RAET1G: variants seen among roughly 807,000 people sequenced by gnomAD.
RAET1G encodes the protein retinoic acid early transcript 1G, also known as UL-16 binding protein 5.
RAET1G carries 25 observed loss-of-function variants against 29.5 expected under a neutral mutation model. The ratio of observed to expected loss-of-function variants is 0.85; its 90% CI spans 0.62 to 1.18. RAET1G has a LOEUF of 1.18. RAET1G is among the 50% of genes most tolerant of loss of function. The pLI is 0.00. For synonymous variants in RAET1G, 167 were observed against 159.5 expected (o/e 1.05, Z -0.36); for missense variants, 434 against 423.6 (o/e 1.02, Z -0.22).
chr6:149,922,984 G>T lies in RAET1G; in HGVS notation c.27C>A (p.Phe9Leu), dbSNP rs1468041126. 1 of 1,605,516 alleles carries T rather than the reference G, an allele frequency of 6.2e-7. No homozygotes were observed. Among genetic ancestry groups the T allele is most frequent in the Admixed American group, 1.7e-5 (1 of 58,740 alleles). Residue 9 changes from phenylalanine to leucine, a missense_variant, in exon 1 of 5, where the codon TTC (phenylalanine) becomes TTA (leucine). Transcript: ENST00000367360. MAAAASPAFLLRLPLLLLL... is the reference protein window; with the variant it reads MAAAASPALLLRLPLLLLL... ...GGAGCAGAAGCGGGAGGCGTAGAAG[G>T]AACGCGGGGCTGGCGGCCGCTGCCA...
chr6:149,919,339 GA>G lies in RAET1G; in HGVS notation c.350-16del. The G allele has an allele frequency of 6.2e-7, 1 of 1,610,534 alleles. No individual in the cohort carries two copies. Among genetic ancestry groups the G allele is most frequent in the Non-Finnish European group, 8.5e-7 (1 of 1,177,904 alleles). On this transcript the variant is annotated splice_polypyrimidine_tract_variant and intron_variant, in intron 2 of 4. Transcript: ENST00000367360. ...GGTGAGGGGTTCTGCCCCCATCAAA[GA>G]GAGATCAGCTCTGGCCTTGACAGAT...
intron 1 of RAET1G, among the ~76,000 whole-genome samples, chr6:149,921,506 G>A (rs1778600728): frequency 6.6e-6 from 1 of 152,228 alleles, no homozygotes; most frequent in Admixed American, 6.5e-5. Context: ...GTCTGGCAGT[G>A]AGAAGACACA....
intron 2 of RAET1G, 42 bp downstream of exon 2, chr6:149,919,511 A>G (rs1475388012): frequency 2.5e-6 from 4 of 1,613,866 alleles, no homozygotes; most frequent in Admixed American, 1.7e-5. Flanking sequence ...CTAACCTACC[A>G]CTGTATCTGC....
Position 149,919,207 on chromosome 6 carries a change from C to CT in RAET1G, c.466dup (p.Arg156LysfsTer20), listed in dbSNP as rs757395874. The stretch of plus-strand genomic sequence containing the variant: ...TCCAGGATGAACCGTTGTCCACATT[C>CT]TGTTTTCTGAGTCAAAGAGGAGGAA... On this transcript the variant is annotated frameshift_variant, in exon 3 of 5. Coordinates refer to ENST00000367360, the MANE Select transcript of RAET1G (RefSeq NM_001001788.4). LOFTEE classifies it high-confidence loss of function. The CT allele has an allele frequency of 5.6e-6, 9 of 1,614,220 alleles. No homozygotes were observed. In the East Asian group the frequency reaches 2.0e-4, roughly 36 times the overall value.
At chr6:149,918,643 T>G (rs1582798382) in intron 3 of RAET1G, 2 of 611,084 alleles carry the variant, frequency 3.3e-6, no homozygotes, top group East Asian at 5.6e-5. Context: ...GAGGTGATGC[T>G]CCAGGGTGCG....
chr6:149,917,051 A>T lies in RAET1G; in HGVS notation c.866T>A (p.Leu289Ter). 6.5e-7 allele frequency: 1 copy of T among 1,549,558 alleles called. No individual in the cohort carries two copies. Among genetic ancestry groups the T allele is most frequent in the Non-Finnish European group, 8.7e-7 (1 of 1,145,946 alleles). The change falls in exon 5 of 5, where the codon TTG becomes TAG. Residue 289 changes from leucine to a stop codon, truncating the protein, a stop_gained. Coordinates refer to ENST00000367360, the MANE Select transcript of RAET1G (RefSeq NM_001001788.4). LOFTEE classifies it high-confidence loss of function. ...CACGCGAGTCACGTGTCCACCAGAC[A>T]AGGGGCGCTTCGCTATTTGGTAGCT... ...SDSYQIAKRP[L>*]SGGHVTRVTL...
rs760903838 is a variant in RAET1G at position 149,916,973 on chromosome 6, A to G, written c.944T>C (p.Leu315Ser). 71 of 1,549,844 alleles carry G rather than the reference A, an allele frequency of 4.6e-5. No individual in the cohort carries two copies. In the East Asian group the frequency reaches 1.7e-3, roughly 37 times the overall value. ...DSHSLPCPLA[L>S]YTINNGAARY... Reference sequence around the variant, plus strand: ...GGCTGCGCCGTTATTTATTGTATACAAGGCAAGAGGGCAGGGTAAGGAGTG... The same window carrying G: ...GGCTGCGCCGTTATTTATTGTATACGAGGCAAGAGGGCAGGGTAAGGAGTG... The change falls in exon 5 of 5, where the codon TTG (leucine) becomes TCG (serine). Residue 315 changes from leucine (L) to serine (S), a missense_variant. Physicochemically the swap from Leu to Ser is moderately radical, Grantham distance 145 (BLOSUM62 -2). Transcript: ENST00000367360.
chr6:149,922,461 G>A (rs115534710), intron 1 of RAET1G, among the ~76,000 whole-genome samples: 1,714 of 152,252 alleles, frequency 0.011, 41 homozygotes, highest in African/African-American at 0.039. Context: ...AGGGCACGCA[G>A]CCCTGGGGGT....
At chr6:149,919,844 G>T in intron 1 of RAET1G, 28 bp from the exon 2 acceptor site, 1 of 1,612,042 alleles carries the variant, frequency 6.2e-7, no homozygotes, top group Non-Finnish European at 8.5e-7. Flanking sequence ...TGAGGGGTGG[G>T]TGGGGAGGAA....
Position 149,919,156 on chromosome 6 carries a change from T to C in RAET1G, c.518A>G (p.Glu173Gly). The change falls in exon 3 of 5, where the codon GAG becomes GGG. Residue 173 changes from glutamate to glycine, a missense_variant. By Grantham distance (98) the Glu-to-Gly change is moderately conservative. Transcript: ENST00000367360. ...PGARKMKEKW[E>G]NDKDMTMSFH... ...GGACATGGTCATATCCTTGTCATTC[T>C]CCCACTTTTCTTTCATCTTTCTGGC... The C allele has an allele frequency of 1.2e-6, 2 of 1,614,230 alleles. No homozygotes were observed. Among genetic ancestry groups the C allele is most frequent in the Middle Eastern group, 1.6e-4 (1 of 6,062 alleles).
chr6:149,922,536 C>CTGTGA (rs1047284749), intron 1 of RAET1G, among the ~76,000 whole-genome samples: 4 of 152,086 alleles, frequency 2.6e-5, no homozygotes, highest in African/African-American at 9.7e-5. Context: ...GTGGGAGTGT[C>CTGTGA]TGTGATTGTG....
chr6:149,917,125 T>C (rs1778461273), intron 4 of RAET1G, 51 bp from the exon 5 acceptor site: 3 of 1,481,918 alleles, frequency 2.0e-6, no homozygotes, highest in Non-Finnish European at 9.0e-7. Flanking sequence ...TTCTATGTAT[T>C]TCTCGGACTT....
rs780387190 is a variant in RAET1G at position 149,919,837 on chromosome 6, G to A, written c.86-21C>T. The A allele has an allele frequency of 4.3e-6, 7 of 1,612,064 alleles. No homozygotes were observed. In the East Asian group the frequency reaches 6.7e-5, roughly 15 times the overall value. Reference sequence around the variant, plus strand: ...AGGGTCTGTGGAGAAAGGCAGGTGAGGGGTGGGTGGGGAGGAAAAGACCCC... The same window carrying A: ...AGGGTCTGTGGAGAAAGGCAGGTGAAGGGTGGGTGGGGAGGAAAAGACCCC... On this transcript the variant is annotated intron_variant, in intron 1 of 4. Coordinates refer to ENST00000367360, the MANE Select transcript of RAET1G (RefSeq NM_001001788.4).
At position 149,919,490 on chromosome 6, in the gene RAET1G, T is replaced by A. The variant is rs1778543029; in HGVS notation, c.349+63A>T. 1.4e-5 allele frequency: 22 copies of A among 1,613,810 alleles called. No individual in the cohort carries two copies. The Admixed American group carries it at 3.7e-4, about 27-fold the overall frequency. ...CCTATTTGTATTTTTACATGAAAACTATAAATGCCTCTAACCTACCACTGT... is the reference window on the plus strand; with the variant it reads ...CCTATTTGTATTTTTACATGAAAACAATAAATGCCTCTAACCTACCACTGT... On this transcript the variant is annotated intron_variant, in intron 2 of 4. Transcript: ENST00000367360.
intron 1 of RAET1G, among the ~76,000 whole-genome samples, chr6:149,921,841 T>C (rs1272725625): frequency 2.0e-5 from 3 of 151,884 alleles, no homozygotes; most frequent in Non-Finnish European, 4.4e-5. Context: ...GGGGATGGGG[T>C]ACTATTTGCT....
Position 149,918,917 on chromosome 6 carries a change from C to A in RAET1G, c.631+126G>T, listed in dbSNP as rs1000405548. ...CGCCAGCACCCCCAGGAGGAGCACC[C>A]CACGAGGAGGTCATTTTAACATAAA... is the stretch of plus-strand genomic sequence containing the variant. On this transcript the variant is annotated intron_variant, in intron 3 of 4. Coordinates refer to ENST00000367360, the MANE Select transcript of RAET1G (RefSeq NM_001001788.4). The A allele has an allele frequency of 6.0e-6, 9 of 1,496,458 alleles. No individual in the cohort carries two copies. The Admixed American group carries it at 1.6e-4, about 27-fold the overall frequency. 92.7% of individuals were successfully genotyped at this position (1,496,458 alleles called of 1,614,324 possible). A position where few individuals can be genotyped will look rare whatever the true frequency, so the allele number is the denominator to read the frequency against.
Position 149,919,040 on chromosome 6 carries a change from T to A in RAET1G, c.631+3A>T, listed in dbSNP as rs1274367355. ...AGATCCCCATTTCTTTTTCTCCTGT[T>A]ACCTCCTGCACTTGGCTCCAGGGTG... On this transcript the variant is annotated splice_donor_region_variant and intron_variant, in intron 3 of 4. Transcript: ENST00000367360. The A allele has an allele frequency of 6.8e-6, 11 of 1,613,526 alleles. No individual in the cohort carries two copies. Among genetic ancestry groups the A allele is most frequent in the Non-Finnish European group, 9.3e-6 (11 of 1,179,748 alleles).
At chr6:149,918,114 T>A in intron 4 of RAET1G, 60 bp downstream of exon 4, 1 of 1,461,644 alleles carries the variant, frequency 6.8e-7, no homozygotes, top group Non-Finnish European at 9.5e-7. Context: ...GAATTCTCCA[T>A]CCCTGTCCTC....
rs1286629879 is a variant in RAET1G, at chr6:149,919,787, C to T, written c.115G>A (p.Val39Ile). The T allele has an allele frequency of 2.4e-5, 39 of 1,611,960 alleles. No individual in the cohort carries two copies. The highest frequency in any genetic ancestry group is 3.3e-5 in the South Asian group (3 of 90,990). The change falls in exon 2 of 5, where the codon GTC (valine) becomes ATC (isoleucine). Residue 39 changes from valine to isoleucine, a missense_variant. Transcript: ENST00000367360. ...GGTCCAGGTCTGAACTTAGGGATGA[C>T]GGTGATGTCATAGCAAAGAGAGTGA... ...DPHSLCYDIT[V>I]IPKFRPGPRW...
Sources: allele counts gnomAD v4.1 joint callset (sites outside exome capture counted in the v4.1 genomes callset), GRCh38; gene constraint gnomAD v4.1.1; transcripts MANE v1.5; gene names NCBI Gene and HGNC (gene_info 2026-07-23, HGNC 2026-07-21).